The following GADL1 variants were observed in gnomAD, a reference collection of about 807,000 sequenced individuals.
GADL1 encodes GAD like acidic amino acid decarboxylase 1, also known as acidic amino acid decarboxylase GADL1.
A neutral mutation model predicts 69.5 loss-of-function variants in GADL1; 71 were observed. That is an observed-to-expected ratio of 1.02 (90% confidence interval 0.84 to 1.25). The LOEUF is 1.25. Among genes scored for constraint, GADL1 ranks in the 50% most tolerant of loss-of-function variants. The probability of loss-of-function intolerance (pLI) is 0.00; values close to 1 mark genes in which losing one functional copy is unlikely to be tolerated. For synonymous variants in GADL1, 254 were observed against 214.4 expected (o/e 1.18, Z -1.62); for missense variants, 737 against 631.8 (o/e 1.17, Z -1.79).
chr3:30,842,794 A>T lies in GADL1; in HGVS notation c.786+1416T>A, dbSNP rs565231848. On this transcript the variant is annotated intron_variant, in intron 8 of 14. Coordinates refer to ENST00000282538, the MANE Select transcript of GADL1 (RefSeq NM_207359.3). ...CTGATCATGCAAACCACCAGATAACAATAAAGTTCACTTGTCATTGGAATG... is the reference window on the plus strand; with the variant it reads ...CTGATCATGCAAACCACCAGATAACTATAAAGTTCACTTGTCATTGGAATG... Among the ~76,000 whole-genome samples the T allele has an allele frequency of 2.7e-5, 4 of 150,238 alleles. No homozygotes were observed. In the South Asian group the frequency reaches 8.5e-4, roughly 32 times the overall value.
intron 14 of GADL1, among the ~76,000 whole-genome samples, chr3:30,751,476 A>G (rs1237953921): frequency 1.3e-5 from 2 of 150,706 alleles, no homozygotes; most frequent in Non-Finnish European, 2.9e-5. Flanking sequence ...CAACATTCCG[A>G]GAACCTGGGT....
In GADL1 at chr3:30,866,033, G is replaced by C. The variant is rs551796720; in HGVS notation, c.38-4268C>G. Among the ~76,000 whole-genome samples, 15 of 152,180 alleles carry C rather than the reference G, an allele frequency of 9.9e-5. No homozygotes were observed. In the East Asian group the frequency reaches 2.7e-3, roughly 28 times the overall value. On this transcript the variant is annotated intron_variant, in intron 1 of 14. Transcript: ENST00000282538. ...AGCTTCAAATATTGTTTCAGATTTT[G>C]AGAGATAGCCTCTTCCTCTGACATA...
intron 14 of GADL1, among the ~76,000 whole-genome samples, chr3:30,742,132 C>T (rs1695635570): frequency 6.6e-6 from 1 of 152,180 alleles, no homozygotes. Context: ...CTATTTTAGT[C>T]TTCCCAGATG....
At chr3:30,771,775 G>A (rs304825) in intron 14 of GADL1, among the ~76,000 whole-genome samples, 90,848 of 152,172 alleles carry the variant, frequency 0.6, 30,282 homozygotes, top group Non-Finnish European at 0.75. Flanking sequence ...CAAAATCAGA[G>A]TTCTGAAAAA....
intron 14 of GADL1, among the ~76,000 whole-genome samples, chr3:30,742,669 C>T (rs1043495418): frequency 1.6e-4 from 25 of 151,926 alleles, no homozygotes; most frequent in African/African-American, 5.3e-4. Flanking sequence ...TCAAGCCAGA[C>T]GTTCCTAATT....
intron 11 of GADL1, among the ~76,000 whole-genome samples, chr3:30,803,647 A>G (rs1008728614): frequency 9.2e-5 from 14 of 152,244 alleles, no homozygotes; most frequent in African/African-American, 3.4e-4. Context: ...GTGACAGTTA[A>G]TTTTATGGCA....
intron 8 of GADL1, among the ~76,000 whole-genome samples, chr3:30,843,094 A>C (rs1252211244): frequency 2.0e-5 from 3 of 151,960 alleles, no homozygotes; most frequent in Non-Finnish European, 4.4e-5. Flanking sequence ...CAGGCTTTTT[A>C]TTTTTCAGTA....
rs139713093 is a variant in GADL1 at position 30,768,521 on chromosome 3, TAAGA to T, written c.1392+9654_1392+9657del. Among the ~76,000 whole-genome samples the T allele has an allele frequency of 0.019, 2,355 of 123,750 alleles. 124 individuals carry two copies. In the East Asian group the frequency reaches 0.23, roughly 12 times the overall value. 81.2% of individuals were successfully genotyped at this position (123,750 alleles called of 152,430 possible). ...AGGGGGAACAAGATATTAGAGGAAATAAGAATGAAATTTTGAGAAGGAGAAGAGG... is the reference window on the plus strand; with the variant it reads ...AGGGGGAACAAGATATTAGAGGAAATATGAAATTTTGAGAAGGAGAAGAGG... On this transcript the variant is annotated intron_variant, in intron 14 of 14. Coordinates refer to ENST00000282538, the MANE Select transcript of GADL1 (RefSeq NM_207359.3).
At chr3:30,867,391 G>A (rs181264600) in intron 1 of GADL1, among the ~76,000 whole-genome samples, 3 of 141,260 alleles carry the variant, frequency 2.1e-5, no homozygotes, top group African/African-American at 5.1e-5. Context: ...ATCAATCTCC[G>A]AGAAGTTAAG....
At chr3:30,776,949 CTTA>C (rs1290246724) in intron 14 of GADL1, among the ~76,000 whole-genome samples, 1 of 152,192 alleles carries the variant, frequency 6.6e-6, no homozygotes, top group Non-Finnish European at 1.5e-5. Flanking sequence ...CTGACATCTG[CTTA>C]TTGTTAAAAA....
At chr3:30,843,996 C>T (rs1356301137) in intron 8 of GADL1, among the ~76,000 whole-genome samples, 1 of 152,204 alleles carries the variant, frequency 6.6e-6, no homozygotes, top group African/African-American at 2.4e-5. Flanking sequence ...ATCCGGGAAA[C>T]TCCACAGAAC....
intron 1 of GADL1, among the ~76,000 whole-genome samples, chr3:30,865,240 C>A (rs1698382727): frequency 6.6e-6 from 1 of 151,378 alleles, no homozygotes; most frequent in Non-Finnish European, 1.5e-5. Flanking sequence ...TGCTTTGATT[C>A]CAGAGCAGTG....
intron 8 of GADL1, among the ~76,000 whole-genome samples, chr3:30,843,587 AAGGCCAGCCT>A (rs1698005496): frequency 6.6e-6 from 1 of 152,190 alleles, no homozygotes; most frequent in African/African-American, 2.4e-5. Flanking sequence ...TGCAGGTGTT[AAGGCCAGCCT>A]TGGCTGGAGC....
intron 1 of GADL1, among the ~76,000 whole-genome samples, chr3:30,886,799 T>C (rs1338034908): frequency 1.3e-5 from 2 of 152,212 alleles, no homozygotes; most frequent in African/African-American, 4.8e-5. Flanking sequence ...CTAGAGCTCC[T>C]GGCAGGCAGC....
chr3:30,769,966 A>G (rs1696381291), intron 14 of GADL1, among the ~76,000 whole-genome samples: 1 of 46,106 alleles, frequency 2.2e-5, no homozygotes, highest in Non-Finnish European at 3.8e-5. Flanking sequence ...TAAATCACTT[A>G]CCAATATTGA....
intron 1 of GADL1, among the ~76,000 whole-genome samples, chr3:30,888,563 C>T (rs565643953): frequency 1.3e-5 from 2 of 152,134 alleles, no homozygotes; most frequent in African/African-American, 4.8e-5. Context: ...AGGATTTTTC[C>T]CATTCCATAC....
At chr3:30,814,981 A>ATT (rs11392823) in intron 11 of GADL1, among the ~76,000 whole-genome samples, 15 of 148,602 alleles carry the variant, frequency 1.0e-4, no homozygotes, top group African/African-American at 3.7e-4. Context: ...AAAAAAAAAA[A>ATT]ATTTTTTTCA....
At chr3:30,837,533 A>G (rs1697893716) in intron 9 of GADL1, among the ~76,000 whole-genome samples, 1 of 152,178 alleles carries the variant, frequency 6.6e-6, no homozygotes, top group Non-Finnish European at 1.5e-5. Context: ...TCATTCATAA[A>G]TCACAATTTT....
chr3:30,767,072 A>AGCATT (rs1346757799), intron 14 of GADL1, among the ~76,000 whole-genome samples: 73 of 152,188 alleles, frequency 4.8e-4, no homozygotes, highest in South Asian at 8.3e-4. Flanking sequence ...ATAATGCTTA[A>AGCATT]ATACTGTAAT....
Sources: allele counts gnomAD v4.1 joint callset (sites outside exome capture counted in the v4.1 genomes callset), GRCh38; gene constraint gnomAD v4.1.1; transcripts MANE v1.5; gene names NCBI Gene and HGNC (gene_info 2026-07-23, HGNC 2026-07-21).